SLCO3A1: variants seen among roughly 807,000 people sequenced by gnomAD.
SLCO3A1 encodes solute carrier organic anion transporter family member 3A1, also known as PGE1 transporter.
SLCO3A1 carries 27 observed loss-of-function variants against 63.1 expected under a neutral mutation model. That is an observed-to-expected ratio of 0.43 (90% confidence interval 0.32 to 0.59). The LOEUF is 0.59. Among genes scored for constraint, SLCO3A1 ranks in the 20% least tolerant of loss-of-function variants. The pLI, the probability that SLCO3A1 is intolerant of heterozygous loss-of-function variation, is 0.09. For missense variants in SLCO3A1, 773 were observed against 945.8 expected, an observed-to-expected ratio of 0.82 and a Z score of 2.40; for synonymous variants, 473 against 409.9, an observed-to-expected ratio of 1.15 and a Z score of -1.86.
intron 2 of SLCO3A1, among the ~76,000 whole-genome samples, chr15:92,036,362 T>TTC (rs375331572): frequency 0.16 from 11,613 of 72,124 alleles, 785 homozygotes; most frequent in African/African-American, 0.25. Flanking sequence ...AGGTTTTCTT[T>TTC]TTTTTTTTTT....
At chr15:92,025,675 C>G (rs1301703905) in intron 2 of SLCO3A1, among the ~76,000 whole-genome samples, 1 of 152,174 alleles carries the variant, frequency 6.6e-6, no homozygotes, top group Admixed American at 6.5e-5. Context: ...TTTCCTTCCC[C>G]AACCATTCCC....
chr15:91,975,004 C>A (rs1901043901), intron 2 of SLCO3A1, among the ~76,000 whole-genome samples: 1 of 152,154 alleles, frequency 6.6e-6, no homozygotes, highest in Admixed American at 6.5e-5. Context: ...TTTCTCTGTA[C>A]TGCAGTTCCT....
At chr15:92,050,024 A>G (rs1363487573) in intron 2 of SLCO3A1, among the ~76,000 whole-genome samples, 1 of 152,196 alleles carries the variant, frequency 6.6e-6, no homozygotes, top group East Asian at 1.9e-4. Context: ...CCAGAACCCT[A>G]GTGCTGTCTG....
intron 1 of SLCO3A1, among the ~76,000 whole-genome samples, chr15:91,903,455 TG>T (rs1279648760): frequency 6.6e-6 from 1 of 152,128 alleles, no homozygotes; most frequent in Admixed American, 6.5e-5. Flanking sequence ...GACAGGACAG[TG>T]TGGCGAGGAT....
At chr15:92,112,697 C>T (rs924226539) in intron 4 of SLCO3A1, among the ~76,000 whole-genome samples, 20 of 152,174 alleles carry the variant, frequency 1.3e-4, no homozygotes, top group African/African-American at 4.6e-4. Context: ...GACTCACTCA[C>T]CAAATAAGCT....
At chr15:92,161,662 T>A (rs377205830) in intron 9 of SLCO3A1, 1 of 152,366 alleles carries the variant, frequency 6.6e-6, no homozygotes, top group East Asian at 1.9e-4. Flanking sequence ...TCAAGTCCAA[T>A]TTGTGGTGCC....
chr15:91,926,597 G>GTGTGTGTGTGTGCA (rs1304406067), intron 2 of SLCO3A1, among the ~76,000 whole-genome samples: 3 of 31,854 alleles, frequency 9.4e-5, no homozygotes, highest in East Asian at 2.0e-3. Flanking sequence ...GTGTGTGTGT[G>GTGTGTGTGTGTGCA]CGCGCGCGCA....
At chr15:92,078,534 G>A (rs116328869) in intron 2 of SLCO3A1, among the ~76,000 whole-genome samples, 1,831 of 152,256 alleles carry the variant, frequency 0.012, 35 homozygotes, top group African/African-American at 0.042. Flanking sequence ...TGTTTGCAAG[G>A]GTCTCCGTCT....
Position 92,033,296 on chromosome 15 carries a change from C to T in SLCO3A1, c.647-61585C>T, listed in dbSNP as rs540395671. 3.3e-5 allele frequency among the ~76,000 whole-genome samples: 5 copies of T among 152,150 alleles called. No individual in the cohort carries two copies. The highest frequency in any genetic ancestry group is 7.3e-5 in the Non-Finnish European group (5 of 68,038). On this transcript the variant is annotated intron_variant, in intron 2 of 9. Transcript: ENST00000318445. The surrounding 1 kb of genome is among the most constrained non-coding windows in gnomAD (Gnocchi z 4.5). ...GCACCTGCAAGTGTGGAAATGGACA[C>T]GGATGTCCTCTTAGTATTTCTGCCC... is the stretch of plus-strand genomic sequence containing the variant.
rs1374628439 is a variant in SLCO3A1 at position 91,941,584 on chromosome 15, A to G, written c.646+25126A>G. The G allele has an allele frequency of 2.2e-6, 1 of 455,898 alleles. No homozygotes were observed. Among genetic ancestry groups the G allele is most frequent in the Non-Finnish European group, 4.4e-6 (1 of 226,730 alleles). 28.2% of individuals were successfully genotyped at this position (455,898 alleles called of 1,614,324 possible). ...AGAGGTTTATTTCACTCAGTAAGTA[A>G]TCTTTTCTCTTCCTTCGTCTTGGAG... On this transcript the variant is annotated intron_variant, in intron 2 of 9. Transcript: ENST00000318445. The surrounding 1 kb of genome is among the most constrained non-coding windows in gnomAD (Gnocchi z 4.4).
chr15:91,901,307 C>T (rs182702340), intron 1 of SLCO3A1, among the ~76,000 whole-genome samples: 3 of 152,160 alleles, frequency 2.0e-5, no homozygotes, highest in African/African-American at 4.8e-5. Flanking sequence ...AAACGTATTA[C>T]ATCTATATCT....
chr15:91,873,526 A>G (rs1395592920), intron 1 of SLCO3A1, among the ~76,000 whole-genome samples: 1 of 131,724 alleles, frequency 7.6e-6, no homozygotes, highest in Non-Finnish European at 1.6e-5. Context: ...ATACAGCTAC[A>G]TTCATACACA....
At chr15:91,946,592 C>A (rs1899814896) in intron 2 of SLCO3A1, among the ~76,000 whole-genome samples, 2 of 152,130 alleles carry the variant, frequency 1.3e-5, no homozygotes, top group Non-Finnish European at 2.9e-5. Context: ...CTTTGGAATG[C>A]ATGTGGTAGA....
At chr15:92,027,736 AC>A (rs2046593741) in intron 2 of SLCO3A1, among the ~76,000 whole-genome samples, 3 of 152,354 alleles carry the variant, frequency 2.0e-5, no homozygotes, top group Admixed American at 2.0e-4. Flanking sequence ...AGACACACTT[AC>A]CACATAAACG....
At chr15:92,148,780 T>TAACTA (rs1232860959) in intron 8 of SLCO3A1, 1 of 152,218 alleles carries the variant, frequency 6.6e-6, no homozygotes, top group Non-Finnish European at 1.5e-5. Context: ...ATTACAACGT[T>TAACTA]AACTATAATA....
intron 2 of SLCO3A1, among the ~76,000 whole-genome samples, chr15:91,928,787 G>C (rs1899122507): frequency 6.6e-6 from 1 of 152,216 alleles, no homozygotes; most frequent in Non-Finnish European, 1.5e-5. Context: ...AAAAAATCAT[G>C]TGAGTTGTTT....
Position 91,854,451 on chromosome 15 carries a change from C to T in SLCO3A1, c.180+363C>T. 6 of 933,802 alleles carry T rather than the reference C, an allele frequency of 6.4e-6. No homozygotes were observed. The South Asian group carries it at 2.0e-4, about 31-fold the overall frequency. The allele number at this position is 933,802 out of a possible 1,614,324, so 57.8% of individuals were successfully genotyped here. A position where few individuals can be genotyped will look rare whatever the true frequency, so the allele number is the denominator to read the frequency against. ...TCCTTGGAGAGGAACGAAAAAGCGT[C>T]GGGGTTTTCAGGTGACCTGCACATG... is the stretch of plus-strand genomic sequence containing the variant. On this transcript the variant is annotated intron_variant, in intron 1 of 9. Transcript: ENST00000318445. This position sits in a 1 kb window ranked among gnomAD's most constrained non-coding sequence, Gnocchi z 6.4.
intron 8 of SLCO3A1, among the ~76,000 whole-genome samples, chr15:92,147,746 C>G (rs1304270202): frequency 2.0e-5 from 3 of 152,172 alleles, no homozygotes; most frequent in Non-Finnish European, 4.4e-5. Flanking sequence ...TCTATTGTTA[C>G]CTGTCTCTGG....
intron 2 of SLCO3A1, among the ~76,000 whole-genome samples, chr15:92,042,092 C>T (rs995646957): frequency 3.3e-5 from 5 of 152,130 alleles, no homozygotes; most frequent in African/African-American, 7.2e-5. Flanking sequence ...TCTTTAATGG[C>T]GCTCTCTGCA....
Sources: gnomAD v4.1 joint callset for allele counts (sites outside exome capture counted in the v4.1 genomes callset) on GRCh38, gnomAD v4.1.1 for gene constraint, Gnocchi (gnomAD v3.1) non-coding constraint, MANE v1.5 for transcripts, NCBI Gene and HGNC (gene_info 2026-07-23, HGNC 2026-07-21) for gene names.